RALGPS1: variants seen among roughly 807,000 people sequenced by gnomAD.
The protein encoded by RALGPS1 is Ral GEF with PH domain and SH3 binding motif 1, also known as ras-specific guanine nucleotide-releasing factor RalGPS1.
RALGPS1 carries 19 observed loss-of-function variants against 78.8 expected under a neutral mutation model. The observed-to-expected ratio is 0.24, with a 90% CI of 0.17 to 0.35. RALGPS1 has a LOEUF of 0.35. Among genes scored for constraint, RALGPS1 ranks in the 10% least tolerant of loss-of-function variants. The pLI, the probability that RALGPS1 is intolerant of heterozygous loss-of-function variation, is 1.00. For synonymous variants in RALGPS1, 228 were observed against 256.3 expected, an observed-to-expected ratio of 0.89 and a Z score of 1.06; for missense variants, 454 against 688.3, an observed-to-expected ratio of 0.66 and a Z score of 3.81.
At chr9:127,024,055 A>AAAAAAAT (rs2045739547) in intron 4 of RALGPS1, among the ~76,000 whole-genome samples, 1 of 150,288 alleles carries the variant, frequency 6.7e-6, no homozygotes, top group African/African-American at 2.4e-5. Context: ...AAAAAAAAAA[A>AAAAAAAT]GGACAGAAGC....
intron 7 of RALGPS1, among the ~76,000 whole-genome samples, chr9:127,066,701 G>A (rs2049740547): frequency 6.6e-6 from 1 of 152,138 alleles, no homozygotes; most frequent in Admixed American, 6.5e-5. Context: ...TGTGGTTCTG[G>A]TCTGAGTATA....
intron 13 of RALGPS1, among the ~76,000 whole-genome samples, chr9:127,196,955 A>T (rs2061380753): frequency 1.3e-5 from 2 of 152,154 alleles, no homozygotes; most frequent in Admixed American, 1.3e-4. Flanking sequence ...ACCAGACTGG[A>T]CCACAGTCAG....
At chr9:127,052,470 CCTT>C (rs1168165209) in intron 6 of RALGPS1, among the ~76,000 whole-genome samples, 1 of 152,204 alleles carries the variant, frequency 6.6e-6, no homozygotes, top group East Asian at 1.9e-4. Flanking sequence ...GCCTCTGTCT[CCTT>C]CTGGTGTTAA....
chr9:127,159,943 G>C (rs1351284760), intron 8 of RALGPS1, among the ~76,000 whole-genome samples: 1 of 152,156 alleles, frequency 6.6e-6, no homozygotes, highest in African/African-American at 2.4e-5. Context: ...AGAGAAAATG[G>C]AAAGTATAAG....
At chr9:126,984,496 G>A (rs535720915) in intron 4 of RALGPS1, among the ~76,000 whole-genome samples, 2 of 152,316 alleles carry the variant, frequency 1.3e-5, no homozygotes, top group South Asian at 4.1e-4. Context: ...AATTTTCAGA[G>A]TAAGCAGGTG....
intron 14 of RALGPS1, among the ~76,000 whole-genome samples, chr9:127,207,634 T>G (rs1237865007): frequency 1.3e-5 from 2 of 152,252 alleles, no homozygotes; most frequent in Non-Finnish European, 2.9e-5. Flanking sequence ...CCAGACACTT[T>G]CGGTTGTCTG....
intron 4 of RALGPS1, among the ~76,000 whole-genome samples, chr9:126,984,686 T>C (rs2041633290): frequency 6.6e-6 from 1 of 152,234 alleles, no homozygotes; most frequent in African/African-American, 2.4e-5. Context: ...CTTTGACCAG[T>C]TGGATCCCTT....
chr9:127,013,765 T>G (rs917462618), intron 4 of RALGPS1, among the ~76,000 whole-genome samples: 1 of 152,098 alleles, frequency 6.6e-6, no homozygotes, highest in African/African-American at 2.4e-5. Flanking sequence ...ACTTATCCTT[T>G]CCTTCCAACC....
At chr9:126,986,868 T>C (rs1211337628) in intron 4 of RALGPS1, among the ~76,000 whole-genome samples, 2 of 152,196 alleles carry the variant, frequency 1.3e-5, no homozygotes, top group Non-Finnish European at 2.9e-5. Context: ...ACAAGTCATG[T>C]ATTTTCTTTA....
chr9:127,124,615 G>C (rs2056466716), intron 8 of RALGPS1, among the ~76,000 whole-genome samples: 1 of 152,214 alleles, frequency 6.6e-6, no homozygotes, highest in South Asian at 2.1e-4. Context: ...ATTAGTAACT[G>C]GGATAGACTC....
chr9:127,035,413 G>A (rs910900182), intron 5 of RALGPS1, among the ~76,000 whole-genome samples: 1 of 152,184 alleles, frequency 6.6e-6, no homozygotes, highest in Non-Finnish European at 1.5e-5. Flanking sequence ...CCAGACCTGC[G>A]TGATCTTCAG....
chr9:126,918,899 A>G (rs1004078256), intron 1 of RALGPS1, among the ~76,000 whole-genome samples: 1 of 151,148 alleles, frequency 6.6e-6, no homozygotes, highest in African/African-American at 2.4e-5. Context: ...TGAACTGCAG[A>G]CCTCAGGTGA....
chr9:127,198,285 C>G (rs2061446242), intron 13 of RALGPS1, among the ~76,000 whole-genome samples: 1 of 152,208 alleles, frequency 6.6e-6, no homozygotes, highest in Admixed American at 6.5e-5. Context: ...CTCCCTCCCC[C>G]TTTCCCAGTG....
intron 8 of RALGPS1, among the ~76,000 whole-genome samples, chr9:127,083,072 A>G (rs561364295): frequency 1.3e-5 from 2 of 152,318 alleles, no homozygotes; most frequent in East Asian, 3.9e-4. Flanking sequence ...TCTGATGAGT[A>G]ATGTCTGGCT....
intron 4 of RALGPS1, among the ~76,000 whole-genome samples, chr9:126,999,684 A>G (rs533668958): frequency 6.6e-6 from 1 of 152,258 alleles, no homozygotes; most frequent in South Asian, 2.1e-4. Flanking sequence ...GCTGAATAAT[A>G]ATTTATTGTT....
chr9:127,146,273 T>A (rs926991336), intron 8 of RALGPS1, among the ~76,000 whole-genome samples: 3 of 152,164 alleles, frequency 2.0e-5, no homozygotes, highest in African/African-American at 7.2e-5. Context: ...TGTGTTTATG[T>A]CCATGTGTAC....
intron 4 of RALGPS1, among the ~76,000 whole-genome samples, chr9:127,017,475 T>G (rs2044962303): frequency 6.6e-6 from 1 of 152,206 alleles, no homozygotes; most frequent in Non-Finnish European, 1.5e-5. Flanking sequence ...TCTGGGTGGG[T>G]CAGTGGTGAG....
chr9:126,920,292 T>C (rs1243564170), intron 1 of RALGPS1, among the ~76,000 whole-genome samples: 1 of 152,152 alleles, frequency 6.6e-6, no homozygotes, highest in African/African-American at 2.4e-5. Context: ...TCCCCAAATA[T>C]TTGAGTGCTG....
At chr9:126,941,677 A>G (rs1323449999) in intron 1 of RALGPS1, among the ~76,000 whole-genome samples, 1 of 151,906 alleles carries the variant, frequency 6.6e-6, no homozygotes, top group Non-Finnish European at 1.5e-5. Context: ...AGTGCTTGAT[A>G]TATACTAGCT....
Sources: allele counts gnomAD v4.1 joint callset (sites outside exome capture counted in the v4.1 genomes callset), GRCh38; gene constraint gnomAD v4.1.1; transcripts MANE v1.5; gene names NCBI Gene and HGNC (gene_info 2026-07-23, HGNC 2026-07-21).